The following LRMDA variants were observed in gnomAD, a reference collection of about 807,000 sequenced individuals.
LRMDA encodes leucine-rich melanocyte differentiation-associated protein.
In LRMDA, 18 loss-of-function variants were observed where a neutral mutation model predicts 29.8. That is an observed-to-expected ratio of 0.60 (90% CI 0.42 to 0.90). LRMDA has a LOEUF of 0.90. Ranked by LOEUF, LRMDA falls within the 40% of genes least tolerant of loss-of-function variation. The pLI, the probability that LRMDA is intolerant of heterozygous loss-of-function variation, is 0.00. For missense variants in LRMDA, 273 were observed against 273.9 expected (o/e 1.00, Z 0.02); for synonymous variants, 125 against 109.4 (o/e 1.14, Z -0.89).
At chr10:75,821,320 T>C (rs902395364) in intron 2 of LRMDA, among the ~76,000 whole-genome samples, 30 of 152,228 alleles carry the variant, frequency 2.0e-4, no homozygotes, top group African/African-American at 7.0e-4. Flanking sequence ...TATACTGTGA[T>C]CAGGTGGGTT....
intron 2 of LRMDA, among the ~76,000 whole-genome samples, chr10:75,620,227 A>G (rs1161852363): frequency 6.6e-6 from 1 of 152,242 alleles, no homozygotes; most frequent in African/African-American, 2.4e-5. Context: ...GATTAACAGT[A>G]TCAGAAAAGC....
At chr10:75,744,935 T>C (rs1361145592) in intron 2 of LRMDA, among the ~76,000 whole-genome samples, 1 of 152,220 alleles carries the variant, frequency 6.6e-6, no homozygotes, top group Non-Finnish European at 1.5e-5. Context: ...GCGTACTTTC[T>C]GTCACTTCCC....
intron 5 of LRMDA, among the ~76,000 whole-genome samples, chr10:76,216,990 T>TG (rs748838874): frequency 1.7e-4 from 26 of 151,936 alleles, no homozygotes; most frequent in Non-Finnish European, 3.4e-4. Flanking sequence ...AGGTAGAAAG[T>TG]GAAAAACAAA....
chr10:76,235,100 A>T (rs954681978), intron 5 of LRMDA, among the ~76,000 whole-genome samples: 3 of 151,966 alleles, frequency 2.0e-5, no homozygotes, highest in Admixed American at 2.0e-4. Flanking sequence ...TCTTTCTTTC[A>T]CCTGAACACT....
intron 5 of LRMDA, among the ~76,000 whole-genome samples, chr10:76,221,741 C>T (rs1442513429): frequency 6.6e-6 from 1 of 152,136 alleles, no homozygotes; most frequent in Non-Finnish European, 1.5e-5. Flanking sequence ...CTACCAATGA[C>T]TTTCTTCACA....
intron 2 of LRMDA, among the ~76,000 whole-genome samples, chr10:75,511,087 G>T (rs973684058): frequency 7.2e-5 from 11 of 152,130 alleles, no homozygotes; most frequent in African/African-American, 2.7e-4. Flanking sequence ...AGCACTTTGC[G>T]GGGGCTGAGG....
chr10:76,538,649 T>G (rs1843319354), intron 6 of LRMDA, among the ~76,000 whole-genome samples: 1 of 151,634 alleles, frequency 6.6e-6, no homozygotes, highest in Non-Finnish European at 1.5e-5. Context: ...ATTAAATTCT[T>G]AAATACGTCT....
At chr10:75,602,626 C>T (rs560204585) in intron 2 of LRMDA, among the ~76,000 whole-genome samples, 2 of 152,070 alleles carry the variant, frequency 1.3e-5, no homozygotes, top group Non-Finnish European at 2.9e-5. Flanking sequence ...TTCCAGCTTC[C>T]AAGCATAACT....
intron 6 of LRMDA, among the ~76,000 whole-genome samples, chr10:76,343,599 T>A (rs925229046): frequency 6.6e-6 from 1 of 152,182 alleles, no homozygotes; most frequent in African/African-American, 2.4e-5. Context: ...AATAGATGTG[T>A]ACTTCCTTAA....
chr10:75,685,463 C>T (rs964071496), intron 2 of LRMDA, among the ~76,000 whole-genome samples: 8 of 152,202 alleles, frequency 5.3e-5, no homozygotes, highest in African/African-American at 1.9e-4. Flanking sequence ...GTAGGGATAC[C>T]TCTCTAGAGA....
chr10:75,588,332 A>G (rs1218922761), intron 2 of LRMDA, among the ~76,000 whole-genome samples: 2 of 152,244 alleles, frequency 1.3e-5, no homozygotes, highest in African/African-American at 4.8e-5. Flanking sequence ...CATGACCTCC[A>G]GAAAGTGAAG....
At chr10:76,506,043 A>C (rs1449149063) in intron 6 of LRMDA, among the ~76,000 whole-genome samples, 1 of 152,122 alleles carries the variant, frequency 6.6e-6, no homozygotes, top group Non-Finnish European at 1.5e-5. Context: ...TGTCCCTGAC[A>C]TTTGACAAAT....
At chr10:76,201,488 G>C (rs1851430864) in intron 5 of LRMDA, among the ~76,000 whole-genome samples, 1 of 152,222 alleles carries the variant, frequency 6.6e-6, no homozygotes, top group African/African-American at 2.4e-5. Context: ...CTCATACCAA[G>C]TTCTGCTTCT....
chr10:76,509,496 G>A (rs887175198), intron 6 of LRMDA, among the ~76,000 whole-genome samples: 3 of 152,330 alleles, frequency 2.0e-5, no homozygotes, highest in South Asian at 4.1e-4. Context: ...AGAAGACTGG[G>A]TGTACATGCT....
intron 2 of LRMDA, among the ~76,000 whole-genome samples, chr10:75,709,672 C>T (rs1049938726): frequency 6.6e-6 from 1 of 152,124 alleles, no homozygotes; most frequent in Non-Finnish European, 1.5e-5. Flanking sequence ...GCTGAAATTC[C>T]AGCTCCTTTT....
At chr10:75,763,544 A>T (rs144914912) in intron 2 of LRMDA, among the ~76,000 whole-genome samples, 1 of 152,350 alleles carries the variant, frequency 6.6e-6, no homozygotes, top group Non-Finnish European at 1.5e-5. Context: ...GTCACCTTGA[A>T]AAGAATAACG....
At chr10:76,373,427 A>T (rs868170892) in intron 6 of LRMDA, among the ~76,000 whole-genome samples, 3 of 152,250 alleles carry the variant, frequency 2.0e-5, no homozygotes, top group Middle Eastern at 3.4e-3. Flanking sequence ...AGTAATATTG[A>T]TTATTATGAT....
At chr10:76,520,176 A>G (rs1362648748) in intron 6 of LRMDA, among the ~76,000 whole-genome samples, 1 of 152,052 alleles carries the variant, frequency 6.6e-6, no homozygotes, top group Non-Finnish European at 1.5e-5. Flanking sequence ...TTCCTCACTG[A>G]TAGAAAATAT....
intron 6 of LRMDA, among the ~76,000 whole-genome samples, chr10:76,504,765 A>G (rs768877348): frequency 3.9e-5 from 6 of 152,034 alleles, no homozygotes; most frequent in Admixed American, 6.6e-5. Flanking sequence ...TGGCCACTCT[A>G]TGCCTTTTAA....
Sources: gnomAD v4.1 joint callset for allele counts (sites outside exome capture counted in the v4.1 genomes callset) on GRCh38, gnomAD v4.1.1 for gene constraint, MANE v1.5 for transcripts, NCBI Gene and HGNC (gene_info 2026-07-23, HGNC 2026-07-21) for gene names.